The following SEMA5A variants were observed in gnomAD, a reference collection of about 807,000 sequenced individuals.
SEMA5A encodes semaphorin 5A, also known as semaphorin-5A.
In SEMA5A, 55 loss-of-function variants were observed where a neutral mutation model predicts 135.5. That is an observed-to-expected ratio of 0.41 (90% CI 0.33 to 0.51). The LOEUF is 0.51. Among genes scored for constraint, SEMA5A ranks in the 20% least tolerant of loss-of-function variants. SEMA5A has a pLI of 0.37. For synonymous variants in SEMA5A, 580 were observed against 546.5 expected (o/e 1.06, Z -0.85); for missense variants, 1,290 against 1,419.9 (o/e 0.91, Z 1.47).
intron 11 of SEMA5A, among the ~76,000 whole-genome samples, chr5:9,175,826 T>C (rs1047766529): frequency 6.6e-6 from 1 of 151,934 alleles, no homozygotes; most frequent in East Asian, 1.9e-4. Flanking sequence ...ATTTTACATT[T>C]AATTTTAAAC....
chr5:9,170,228 A>C (rs1743842024), intron 11 of SEMA5A, among the ~76,000 whole-genome samples: 1 of 152,178 alleles, frequency 6.6e-6, no homozygotes, highest in Non-Finnish European at 1.5e-5. Flanking sequence ...TGTGTGCATG[A>C]ACATGGGTGA....
intron 12 of SEMA5A, among the ~76,000 whole-genome samples, chr5:9,151,415 G>T (rs113701432): frequency 6.6e-6 from 1 of 152,198 alleles, no homozygotes; most frequent in Non-Finnish European, 1.5e-5. Flanking sequence ...TATTGGCAAA[G>T]AAATTAGTAT....
chr5:9,158,277 C>T (rs911053249), intron 11 of SEMA5A, among the ~76,000 whole-genome samples: 2 of 151,856 alleles, frequency 1.3e-5, no homozygotes, highest in African/African-American at 4.8e-5. Flanking sequence ...TGAATTTCAC[C>T]AATATGGAAA....
rs79698476 is a variant in SEMA5A, at chr5:9,326,768, G to A, written c.225-8351C>T. On this transcript the variant is annotated intron_variant, in intron 4 of 22. Coordinates refer to ENST00000382496, the MANE Select transcript of SEMA5A (RefSeq NM_003966.3). ...TGCACTCCAGCCTGGGCTACAGAGCGAGTCTCAATAAATAAATAAAATAAG... is the reference window on the plus strand; with the variant it reads ...TGCACTCCAGCCTGGGCTACAGAGCAAGTCTCAATAAATAAATAAAATAAG... 6.6e-3 allele frequency among the ~76,000 whole-genome samples: 1,002 copies of A among 152,194 alleles called. 9 individuals are homozygous for A. Among genetic ancestry groups the A allele is most frequent in the Middle Eastern group, 0.01 (3 of 294 alleles).
At chr5:9,499,534 A>G (rs1049980337) in intron 1 of SEMA5A, among the ~76,000 whole-genome samples, 4 of 152,206 alleles carry the variant, frequency 2.6e-5, no homozygotes, top group Non-Finnish European at 5.9e-5. Context: ...AGCTATCTGA[A>G]GTCAAAGTAA....
intron 8 of SEMA5A, among the ~76,000 whole-genome samples, chr5:9,223,928 A>G (rs1440751876): frequency 6.6e-6 from 1 of 152,192 alleles, no homozygotes; most frequent in Non-Finnish European, 1.5e-5. Flanking sequence ...CCCAGAACTG[A>G]AAGAAGCCTT....
At chr5:9,175,395 T>C (rs187510343) in intron 11 of SEMA5A, among the ~76,000 whole-genome samples, 1 of 152,056 alleles carries the variant, frequency 6.6e-6, no homozygotes, top group African/African-American at 2.4e-5. Flanking sequence ...ACCCATCCCA[T>C]TGGCAGTACA....
chr5:9,478,665 A>G lies in SEMA5A; in HGVS notation c.-174-40813T>C, dbSNP rs536569676. On this transcript the variant is annotated intron_variant, in intron 1 of 22. Coordinates refer to ENST00000382496, the MANE Select transcript of SEMA5A (RefSeq NM_003966.3). ...TTTTGGCCAAGTTCTCCCTTTTGGA[A>G]TGGGAGCATTTACTCGATGCCTGTA... 3.3e-5 allele frequency among the ~76,000 whole-genome samples: 5 copies of G among 152,310 alleles called. No homozygotes were observed. The East Asian group carries it at 5.8e-4, about 18-fold the overall frequency.
chr5:9,524,549 G>C (rs2458362), intron 1 of SEMA5A, among the ~76,000 whole-genome samples: 51,801 of 151,946 alleles, frequency 0.34, 9,020 homozygotes, highest in East Asian at 0.41. Flanking sequence ...GGAGCCCTTT[G>C]AACCAATCTG....
chr5:9,538,834 A>G (rs1260465056), intron 1 of SEMA5A, among the ~76,000 whole-genome samples: 3 of 152,250 alleles, frequency 2.0e-5, no homozygotes, highest in Admixed American at 2.0e-4. Context: ...GCTTTGTACA[A>G]GTAATGTAAA....
chr5:9,078,200 G>C (rs1480890576), intron 16 of SEMA5A, among the ~76,000 whole-genome samples: 1 of 152,152 alleles, frequency 6.6e-6, no homozygotes, highest in Admixed American at 6.5e-5. Flanking sequence ...ACTACTTTTA[G>C]ATAGAAGCAA....
intron 1 of SEMA5A, among the ~76,000 whole-genome samples, chr5:9,473,777 C>T (rs1759568858): frequency 6.6e-6 from 1 of 152,088 alleles, no homozygotes; most frequent in African/African-American, 2.4e-5. Context: ...GAGAAGGGCA[C>T]ACATGCATCA....
chr5:9,505,266 G>A lies in SEMA5A; in HGVS notation c.-175+40318C>T, dbSNP rs1190602858. Among the ~76,000 whole-genome samples the A allele has an allele frequency of 3.9e-5, 6 of 152,152 alleles. No individual in the cohort carries two copies. In the South Asian group the frequency reaches 6.2e-4, roughly 16 times the overall value. On this transcript the variant is annotated intron_variant, in intron 1 of 22. Transcript: ENST00000382496. ...TGAATCTAGCACTTATTTCTAGAAG[G>A]CAAAAGGCAAAAGCATTTCGCTTTC...
At chr5:9,295,361 A>G (rs1263266593) in intron 5 of SEMA5A, among the ~76,000 whole-genome samples, 4 of 152,136 alleles carry the variant, frequency 2.6e-5, no homozygotes, top group African/African-American at 9.7e-5. Context: ...CTAGGATTAA[A>G]CTCCCCTTTG....
intron 19 of SEMA5A, 80 bp from the exon 20 acceptor site, chr5:9,052,108 T>C: frequency 7.1e-7 from 1 of 1,400,682 alleles, no homozygotes; most frequent in Non-Finnish European, 9.5e-7. Flanking sequence ...AAGTTACATA[T>C]GTGATTTCTG....
chr5:9,247,702 T>TA (rs1748551025), intron 5 of SEMA5A, among the ~76,000 whole-genome samples: 1 of 152,168 alleles, frequency 6.6e-6, no homozygotes, highest in Non-Finnish European at 1.5e-5. Flanking sequence ...GATCTCAAGA[T>TA]ATATGCAAAA....
rs532354168 is a variant in SEMA5A at position 9,455,466 on chromosome 5, A to C, written c.-174-17614T>G. ...AGAGACGGGGTTTCACCATGTTAGC[A>C]AGGACAGTCTCAATCTCCTGACTTT... On this transcript the variant is annotated intron_variant, in intron 1 of 22. Coordinates refer to ENST00000382496, the MANE Select transcript of SEMA5A (RefSeq NM_003966.3). Among the ~76,000 whole-genome samples, 23 of 151,858 alleles carry C rather than the reference A, an allele frequency of 1.5e-4. No individual in the cohort carries two copies. In the South Asian group the frequency reaches 2.7e-3, roughly 18 times the overall value.
intron 5 of SEMA5A, among the ~76,000 whole-genome samples, chr5:9,269,549 A>G (rs1024689494): frequency 1.3e-5 from 2 of 152,122 alleles, no homozygotes; most frequent in South Asian, 2.1e-4. Flanking sequence ...CTAATTACCA[A>G]AAAATGGTGA....
At chr5:9,120,774 A>G (rs187048703) in intron 14 of SEMA5A, among the ~76,000 whole-genome samples, 1 of 144,538 alleles carries the variant, frequency 6.9e-6, no homozygotes, top group Non-Finnish European at 1.5e-5. Context: ...CTTTTAGCAA[A>G]TGTGGATTGA....
Sources: allele counts gnomAD v4.1 joint callset (sites outside exome capture counted in the v4.1 genomes callset), GRCh38; gene constraint gnomAD v4.1.1; transcripts MANE v1.5; gene names NCBI Gene and HGNC (gene_info 2026-07-23, HGNC 2026-07-21).